Variants in MIB1 observed in about 807,000 individuals in gnomAD.
MIB1 encodes the protein MIB E3 ubiquitin protein ligase 1, also known as E3 ubiquitin-protein ligase MIB1.
MIB1 carries 278 observed loss-of-function variants against 124.5 expected under a neutral mutation model. The observed-to-expected ratio is 2.23, with a 90% CI of 2.02 to 2.47. The LOEUF is 2.47. MIB1 is among the 30% of genes most tolerant of loss of function. The probability of loss-of-function intolerance (pLI) is 0.00; values close to 1 mark genes in which losing one functional copy is unlikely to be tolerated. For synonymous variants in MIB1, 446 were observed against 429.4 expected, an observed-to-expected ratio of 1.04 and a Z score of -0.48; for missense variants, 957 against 1,254.4, an observed-to-expected ratio of 0.76 and a Z score of 3.58.
In MIB1 at chr18:21,741,511, C is replaced by T; in HGVS notation, c.-73C>T. 2 of 1,157,210 alleles carry T rather than the reference C, an allele frequency of 1.7e-6. No individual in the cohort carries two copies. The highest frequency in any genetic ancestry group is 1.1e-6 in the Non-Finnish European group (1 of 906,522). The allele number at this position is 1,157,210 out of a possible 1,614,324, so 71.7% of individuals were successfully genotyped here. ...CGCCTAGAGTCCGGCCCGGGCCCAA[C>T]TCCCTCACGGGCCCCCCGGCGGCAG... On this transcript the variant is annotated 5_prime_UTR_variant, in exon 1 of 21. Coordinates refer to ENST00000261537, the MANE Select transcript of MIB1 (RefSeq NM_020774.4). The surrounding 1 kb of genome is among the most constrained non-coding windows in gnomAD (Gnocchi z 5.4).
At position 21,734,977 on chromosome 18, in the gene MIB1, A is replaced by G. The variant is rs532593961; in HGVS notation, n.167+29854A>G. Among the ~76,000 whole-genome samples the G allele has an allele frequency of 1.3e-4, 20 of 152,366 alleles. No individual in the cohort carries two copies. In the South Asian group the frequency reaches 2.9e-3, roughly 22 times the overall value. On this transcript the variant is annotated intron_variant and non_coding_transcript_variant, in intron 1 of 20. Transcript: ENST00000578646. ...TTTTTCATAATACACATTTTCCATGAACATTTTCAAGTCTCCTTGTGTATT... is the reference window on the plus strand; with the variant it reads ...TTTTTCATAATACACATTTTCCATGGACATTTTCAAGTCTCCTTGTGTATT...
intron 12 of MIB1, among the ~76,000 whole-genome samples, chr18:21,835,801 C>CCCCACACA (rs2042023389): frequency 9.8e-6 from 1 of 101,586 alleles, no homozygotes; most frequent in Non-Finnish European, 1.8e-5. Flanking sequence ...ATATATATAT[C>CCCCACACA]CACACACACA....
intron 12 of MIB1, among the ~76,000 whole-genome samples, chr18:21,834,242 T>C (rs1416297563): frequency 1.3e-5 from 2 of 152,188 alleles, no homozygotes; most frequent in African/African-American, 2.4e-5. Flanking sequence ...TGCTTAACTT[T>C]CCCTTAGCTT....
intron 6 of MIB1, among the ~76,000 whole-genome samples, chr18:21,779,988 G>A (rs2041340292): frequency 6.6e-6 from 1 of 151,752 alleles, no homozygotes. Context: ...ATCACTATTA[G>A]GTCTGAATAC....
chr18:21,736,326 G>C (rs891849304), upstream of MIB1, among the ~76,000 whole-genome samples: 1 of 152,166 alleles, frequency 6.6e-6, no homozygotes, highest in African/African-American at 2.4e-5. Context: ...GAAAGGAATA[G>C]TATCAACATC....
chr18:21,856,350 T>C (rs1018228407), intron 18 of MIB1, among the ~76,000 whole-genome samples: 3 of 151,772 alleles, frequency 2.0e-5, no homozygotes, highest in Admixed American at 6.6e-5. Context: ...TTCTGAAATA[T>C]TGTTTATAGC....
intron 10 of MIB1, among the ~76,000 whole-genome samples, chr18:21,808,429 G>C (rs1215474586): frequency 6.6e-6 from 1 of 152,118 alleles, no homozygotes; most frequent in African/African-American, 2.4e-5. Context: ...GAGACTATAT[G>C]GCCTGTAAAA....
chr18:21,783,319 T>G (rs1204660917), intron 6 of MIB1, among the ~76,000 whole-genome samples: 2 of 151,892 alleles, frequency 1.3e-5, no homozygotes, highest in Non-Finnish European at 2.9e-5. Flanking sequence ...ATTGGCTCAC[T>G]GCAACCTCCG....
rs1027801508 is a variant in MIB1, at chr18:21,869,952, A to G, written c.*5286A>G. The G allele has an allele frequency of 6.6e-6, 1 of 152,272 alleles. No homozygotes were observed. Among genetic ancestry groups the G allele is most frequent in the Non-Finnish European group, 1.5e-5 (1 of 67,946 alleles). The allele number at this position is 152,272 out of a possible 1,614,324, so 9.4% of individuals were successfully genotyped here. ...TGTTTATGTCATTCTAAATGCAGCA[A>G]ATTCAATGATAGCAGTTCAATTGAC... On this transcript the variant is annotated 3_prime_UTR_variant, in exon 21 of 21. Transcript: ENST00000261537.
chr18:21,843,781 A>C (rs1469238688), intron 14 of MIB1, among the ~76,000 whole-genome samples: 1 of 152,206 alleles, frequency 6.6e-6, no homozygotes, highest in East Asian at 1.9e-4. Context: ...CATACATCTA[A>C]AGTTGAAAAG....
At chr18:21,800,070 T>A (rs868740424) in intron 9 of MIB1, 96 bp downstream of exon 9, 9 of 901,814 alleles carry the variant, frequency 1.0e-5, no homozygotes, top group Middle Eastern at 6.5e-4. Flanking sequence ...CAGATGTGCT[T>A]CATTTATTTC....
At chr18:21,815,053 AT>A (rs1252612903) in intron 10 of MIB1, among the ~76,000 whole-genome samples, 5 of 125,858 alleles carry the variant, frequency 4.0e-5, no homozygotes, top group South Asian at 4.9e-4. Flanking sequence ...ATATATATAT[AT>A]ATAAAATTAT....
At chr18:21,789,703 GCT>G (rs1447254214) in intron 6 of MIB1, among the ~76,000 whole-genome samples, 1 of 152,076 alleles carries the variant, frequency 6.6e-6, no homozygotes, top group Non-Finnish European at 1.5e-5. Context: ...TGTAATCCCA[GCT>G]ACTTGGGAGA....
intron 1 of MIB1, among the ~76,000 whole-genome samples, chr18:21,728,333 C>T (rs940686408): frequency 1.3e-5 from 2 of 151,982 alleles, no homozygotes; most frequent in African/African-American, 4.8e-5. Context: ...TCTCTACTAA[C>T]AGTACAAAAA....
At chr18:21,739,617 C>T (rs116112917), upstream of MIB1, among the ~76,000 whole-genome samples, 13,624 of 152,108 alleles carry the variant, frequency 0.09, 690 homozygotes, top group Middle Eastern at 0.15. Flanking sequence ...TTGGCTTTAT[C>T]CCTGGGATAA....
At chr18:21,823,275 CTT>C (rs1202715475) in intron 12 of MIB1, among the ~76,000 whole-genome samples, 1 of 149,624 alleles carries the variant, frequency 6.7e-6, no homozygotes, top group African/African-American at 2.5e-5. Context: ...GCATCACAGA[CTT>C]TTAGTCTCAG....
At chr18:21,721,908 T>A (rs560655443) in intron 1 of MIB1, among the ~76,000 whole-genome samples, 216 of 152,302 alleles carry the variant, frequency 1.4e-3, no homozygotes, top group Admixed American at 2.2e-3. Context: ...CACTGATACA[T>A]TACTATTAAC....
At position 21,740,814 on chromosome 18, in the gene MIB1, A is replaced by C. The variant is rs894784400; in HGVS notation, c.-770A>C. ...CTCCTTGGACCCTGGAGAGACGCTT[A>C]GGGATCAGTTTTCTCCTCCTTTCTT... On this transcript the variant is annotated 5_prime_UTR_variant, in exon 1 of 21. Transcript: ENST00000261537. Among the ~76,000 whole-genome samples the C allele has an allele frequency of 6.6e-6, 1 of 152,226 alleles. No homozygotes were observed. The highest frequency in any genetic ancestry group is 2.4e-5 in the African/African-American group (1 of 41,458).
chr18:21,844,694 G>T (rs1902023454), intron 15 of MIB1, among the ~76,000 whole-genome samples: 3 of 152,222 alleles, frequency 2.0e-5, no homozygotes, highest in Admixed American at 2.0e-4. Flanking sequence ...CTCCCACAGT[G>T]CTGGGATTAC....
Sources: gnomAD v4.1 joint callset for allele counts (sites outside exome capture counted in the v4.1 genomes callset) on GRCh38, gnomAD v4.1.1 for gene constraint, Gnocchi (gnomAD v3.1) non-coding constraint, MANE v1.5 for transcripts, NCBI Gene and HGNC (gene_info 2026-07-23, HGNC 2026-07-21) for gene names.